FAT1: variants seen among roughly 807,000 people sequenced by gnomAD.
The protein encoded by FAT1 is FAT atypical cadherin 1, also known as protocadherin Fat 1.
A neutral mutation model predicts 329.8 loss-of-function variants in FAT1; 171 were observed. That is an observed-to-expected ratio of 0.52 (90% CI 0.46 to 0.59). FAT1 has a LOEUF of 0.59. Among genes scored for constraint, FAT1 ranks in the 20% least tolerant of loss-of-function variants. The pLI is 0.00. For synonymous variants in FAT1, 2,233 were observed against 2,228.6 expected, an observed-to-expected ratio of 1.00 and a Z score of -0.06; for missense variants, 5,672 against 5,774.4, an observed-to-expected ratio of 0.98 and a Z score of 0.57.
chr4:186,692,685 T>C (rs918937591), intron 2 of FAT1, among the ~76,000 whole-genome samples: 1 of 151,946 alleles, frequency 6.6e-6, no homozygotes, highest in Non-Finnish European at 1.5e-5. Flanking sequence ...CACTCCTATA[T>C]TCTCTCCTCA....
rs372381312 is a variant in FAT1 at position 186,620,717 on chromosome 4, C to T, written c.5869G>A (p.Gly1957Ser). 13 of 1,613,856 alleles carry T rather than the reference C, an allele frequency of 8.1e-6. No homozygotes were observed. The highest frequency in any genetic ancestry group is 1.0e-5 in the Non-Finnish European group (12 of 1,179,902). The change falls in exon 10 of 27, where the codon GGC (glycine) becomes AGC (serine). Residue 1957 changes from glycine to serine, a missense_variant. Gly to Ser is a moderately conservative substitution (Grantham distance 56, BLOSUM62 0). Transcript: ENST00000441802. Reference protein sequence around the residue: ...RYELTVRASDGRFAGLTSVKI... With the variant: ...RYELTVRASDSRFAGLTSVKI... ...ACAGAGGTAAGGCCGGCAAATCTGC[C>T]ATCGGAAGCTCTAACGGTTAGCTCG...
chr4:186,719,611 T>C (rs1361802892), intron 1 of FAT1, among the ~76,000 whole-genome samples: 1 of 152,224 alleles, frequency 6.6e-6, no homozygotes, highest in African/African-American at 2.4e-5. Flanking sequence ...ACATCAAATG[T>C]GGAACCTAGC....
Position 186,620,714 on chromosome 4 carries a change from T to C in FAT1, c.5872A>G (p.Arg1958Gly), listed in dbSNP as rs2126518350. Reference sequence around the variant, plus strand: ...TTGACAGAGGTAAGGCCGGCAAATCTGCCATCGGAAGCTCTAACGGTTAGC... The same window carrying C: ...TTGACAGAGGTAAGGCCGGCAAATCCGCCATCGGAAGCTCTAACGGTTAGC... ...YELTVRASDGRFAGLTSVKIN... is the reference protein window; with the variant it reads ...YELTVRASDGGFAGLTSVKIN... The change falls in exon 10 of 27, where the codon AGA becomes GGA. Residue 1958 changes from arginine (R) to glycine (G), a missense_variant. Coordinates refer to ENST00000441802, the MANE Select transcript of FAT1 (RefSeq NM_005245.4). 6.2e-7 allele frequency: 1 copy of C among 1,614,032 alleles called. No individual in the cohort carries two copies.
At chr4:186,629,497 A>C (rs147181643) in intron 7 of FAT1, among the ~76,000 whole-genome samples, 63 of 152,384 alleles carry the variant, frequency 4.1e-4, no homozygotes, top group African/African-American at 1.5e-3. Flanking sequence ...TAAGAGGATT[A>C]ATTTCCATAA....
upstream of FAT1, chr4:186,726,429 G>T (rs1011666509): frequency 2.0e-5 from 3 of 152,234 alleles, no homozygotes; most frequent in African/African-American, 7.2e-5. Context: ...GTAGATATGT[G>T]TTAAGAGCCG....
rs373431506 is a variant in FAT1 at position 186,619,455 on chromosome 4, C to A, written c.7131G>T (p.Thr2377=). The A allele has an allele frequency of 6.2e-7, 1 of 1,613,950 alleles. No individual in the cohort carries two copies. Among genetic ancestry groups the A allele is most frequent in the South Asian group, 1.1e-5 (1 of 91,076 alleles). ...TATCATTGAGGTCGGTAACGTCCAC[C>A]GTGACAATCACATCACTGCTCAGCG... ...MPTLSSDVIV[T]VDVTDLNDNP... is the part of the protein sequence containing the mutation. The change falls in exon 10 of 27, where the codon ACG becomes ACT. Residue 2377 remains threonine (T), a synonymous_variant. Coordinates refer to ENST00000441802, the MANE Select transcript of FAT1 (RefSeq NM_005245.4).
In FAT1 at chr4:186,603,511, C is replaced by T. The variant is rs375983651; in HGVS notation, c.11015G>A (p.Gly3672Asp). 7.4e-6 allele frequency: 12 copies of T among 1,613,868 alleles called. No homozygotes were observed. The highest frequency in any genetic ancestry group is 4.4e-5 in the South Asian group (4 of 91,078). Residue 3672 changes from glycine to aspartate, a missense_variant, in exon 19 of 27, where the codon GGT becomes GAT. Physicochemically the swap from Gly to Asp is moderately conservative, Grantham distance 94. Coordinates refer to ENST00000441802, the MANE Select transcript of FAT1 (RefSeq NM_005245.4). The part of the protein sequence containing the change: ...NFQRALRNIL[G>D]VRRNDIQIVS... ...AATCTGTATGTCGTTCCTCCTCACA[C>T]CCAGGATGTTCCGTAAAGCTCGCTG...
At chr4:186,656,568 C>A (rs936965008) in intron 3 of FAT1, among the ~76,000 whole-genome samples, 1 of 152,100 alleles carries the variant, frequency 6.6e-6, no homozygotes, top group Non-Finnish European at 1.5e-5. Context: ...CACAAACACA[C>A]GTCACAAACA....
chr4:186,712,923 C>T (rs114541933), intron 1 of FAT1, among the ~76,000 whole-genome samples: 1,774 of 102,386 alleles, frequency 0.017, 38 homozygotes, highest in African/African-American at 0.078. Flanking sequence ...TGGAGCACAG[C>T]GGTTGAGGGA....
In FAT1 at chr4:186,596,451, A is replaced by C; in HGVS notation, c.13000+89T>G. On this transcript the variant is annotated intron_variant, in intron 25 of 26. Coordinates refer to ENST00000441802, the MANE Select transcript of FAT1 (RefSeq NM_005245.4). The surrounding 1 kb of genome is among the most constrained non-coding windows in gnomAD (Gnocchi z 4.7). Reference sequence around the variant, plus strand: ...AGTCTGAGCATACTTGTCTCTAATGAAGAGTACACACATTTTGACTGGACA... The same window carrying C: ...AGTCTGAGCATACTTGTCTCTAATGCAGAGTACACACATTTTGACTGGACA... 7.2e-7 allele frequency: 1 copy of C among 1,391,656 alleles called. No individual in the cohort carries two copies. Among genetic ancestry groups the C allele is most frequent in the Non-Finnish European group, 9.8e-7 (1 of 1,019,848 alleles). The allele number at this position is 1,391,656 out of a possible 1,614,324, so 86.2% of individuals were successfully genotyped here. A position where few individuals can be genotyped will look rare whatever the true frequency, so the allele number is the denominator to read the frequency against.
chr4:186,588,619 C>T lies in FAT1; in HGVS notation c.13740G>A (p.Leu4580=), dbSNP rs1357066662. 6.2e-7 allele frequency: 1 copy of T among 1,612,806 alleles called. No individual in the cohort carries two copies. The highest frequency in any genetic ancestry group is 1.1e-5 in the South Asian group (1 of 90,930). Residue 4580 remains leucine, a synonymous_variant, in exon 27 of 27, where the codon CTG becomes CTA. Coordinates refer to ENST00000441802, the MANE Select transcript of FAT1 (RefSeq NM_005245.4). ...GHFEEVTIPP[L]DSQQHTEV Reference sequence around the variant, plus strand: ...AGACTTCCGTGTGCTGCTGGGAATCCAGGGGCGGGATCGTCACCTCTTCGA... The same window carrying T: ...AGACTTCCGTGTGCTGCTGGGAATCTAGGGGCGGGATCGTCACCTCTTCGA...
chr4:186,664,012 C>T (rs1021402924), intron 2 of FAT1, among the ~76,000 whole-genome samples: 4 of 152,130 alleles, frequency 2.6e-5, no homozygotes, highest in South Asian at 2.1e-4. Flanking sequence ...GGTTGAGAGA[C>T]GTGCTGACTT....
In FAT1 at chr4:186,708,158, A is replaced by G. The variant is rs756280400; in HGVS notation, c.1670T>C (p.Ile557Thr). The stretch of plus-strand genomic sequence containing the variant: ...GTTGTCATTCAAGTTATTGAGAGTA[A>G]TTGTAGCAAGGACTTCGACTTCCCG... ...YRREVEVLAT[I>T]TLNNLNDNTP... is the part of the protein sequence containing the mutation. The change falls in exon 2 of 27, where the codon ATT becomes ACT. Residue 557 changes from isoleucine to threonine, a missense_variant. Ile to Thr is a moderately conservative substitution (Grantham distance 89). Transcript: ENST00000441802. 1 of 1,613,958 alleles carries G rather than the reference A, an allele frequency of 6.2e-7. No homozygotes were observed. Among genetic ancestry groups the G allele is most frequent in the Admixed American group, 1.7e-5 (1 of 60,002 alleles).
intron 1 of FAT1, among the ~76,000 whole-genome samples, chr4:186,719,907 A>G (rs1745386012): frequency 1.3e-5 from 2 of 152,242 alleles, no homozygotes; most frequent in East Asian, 1.9e-4. Context: ...ATCCCAGTCA[A>G]CCTATTCAAA....
rs751769087 is a variant in FAT1, at chr4:186,614,339, T to G, written c.9081A>C (p.Leu3027Phe). The G allele has an allele frequency of 6.5e-7, 1 of 1,545,250 alleles. No homozygotes were observed. Among genetic ancestry groups the G allele is most frequent in the Non-Finnish European group, 8.7e-7 (1 of 1,152,960 alleles). Residue 3027 changes from leucine to phenylalanine, a missense_variant, in exon 12 of 27, where the codon TTA (leucine) becomes TTC (phenylalanine). By Grantham distance (22) the Leu-to-Phe change is conservative. Transcript: ENST00000441802. ...NDNSPVCEKT[L>F]YSDTIPEDVL... ...CGTCTTCAGGAATAGTGTCTGAATA[T>G]AAAGTCTGCAAAGAGTTTAAACAAA...
intron 2 of FAT1, among the ~76,000 whole-genome samples, chr4:186,678,291 C>T (rs370357): frequency 0.39 from 58,600 of 151,656 alleles, 12,318 homozygotes; most frequent in East Asian, 0.87. Flanking sequence ...CTAAAATATA[C>T]GTATCGGAGA....
intron 2 of FAT1, among the ~76,000 whole-genome samples, chr4:186,701,769 A>G (rs1744326859): frequency 6.6e-6 from 1 of 152,372 alleles, no homozygotes; most frequent in South Asian, 2.1e-4. Context: ...TATGAGGAAA[A>G]GGGTTTCTAA....
chr4:186,706,024 T>G (rs73015660), intron 2 of FAT1, among the ~76,000 whole-genome samples: 1 of 152,168 alleles, frequency 6.6e-6, no homozygotes, highest in African/African-American at 2.4e-5. Flanking sequence ...AGCATGCCAC[T>G]ACCCCGCCTC....
At chr4:186,673,954 C>T (rs1742842010) in intron 2 of FAT1, among the ~76,000 whole-genome samples, 1 of 152,160 alleles carries the variant, frequency 6.6e-6, no homozygotes, top group Non-Finnish European at 1.5e-5. Context: ...ATCATCTGGA[C>T]ACCTGTTAAT....
Sources: gnomAD v4.1 joint callset for allele counts (sites outside exome capture counted in the v4.1 genomes callset) on GRCh38, gnomAD v4.1.1 for gene constraint, Gnocchi (gnomAD v3.1) non-coding constraint, MANE v1.5 for transcripts, NCBI Gene and HGNC (gene_info 2026-07-23, HGNC 2026-07-21) for gene names.